Variants in ZNF775 observed in about 807,000 individuals in gnomAD.
ZNF775 encodes the protein zinc finger protein 775.
ZNF775 carries 1 observed loss-of-function variant against 2.4 expected under a neutral mutation model. The observed-to-expected ratio is 0.41, with a 90% CI of 0.15 to 1.94. The LOEUF (loss-of-function observed/expected upper bound fraction) is 1.94, where lower values mean the gene tolerates loss of function less well. Ranked by LOEUF, ZNF775 falls within the 30% of genes most tolerant of loss-of-function variation. The pLI, the probability that ZNF775 is intolerant of heterozygous loss-of-function variation, is 0.30. For synonymous variants in ZNF775, 381 were observed against 373.3 expected (o/e 1.02, Z -0.24); for missense variants, 823 against 826.6 (o/e 1.00, Z 0.05).
At chr7:150,393,049 T>C (rs1800587330) in intron 2 of ZNF775, among the ~76,000 whole-genome samples, 1 of 152,196 alleles carries the variant, frequency 6.6e-6, no homozygotes, top group African/African-American at 2.4e-5. Flanking sequence ...TTACCTGGGT[T>C]TTGACAAAGG....
chr7:150,396,671 G>T lies in ZNF775; in HGVS notation c.190G>T (p.Gly64Trp), dbSNP rs755764895. The change falls in exon 3 of 3, where the codon GGG becomes TGG. Residue 64 changes from glycine (G) to tryptophan (W), a missense_variant. Physicochemically the swap from Gly to Trp is radical, Grantham distance 184. Coordinates refer to ENST00000329630, the MANE Select transcript of ZNF775 (RefSeq NM_173680.4). The part of the protein sequence containing the change: ...RQTMGRPRAL[G>W]GQEESGSPRW... ...GACCATGGGGCGGCCTCGAGCCCTG[G>T]GGGGACAGGAGGAGTCTGGGAGTCC... 9 of 1,609,910 alleles carry T rather than the reference G, an allele frequency of 5.6e-6. No homozygotes were observed. The highest frequency in any genetic ancestry group is 7.6e-6 in the Non-Finnish European group (9 of 1,178,930).
intron 1 of ZNF775, chr7:150,379,792 C>G (rs1316402983): frequency 6.6e-6 from 1 of 152,414 alleles, no homozygotes; most frequent in Non-Finnish European, 1.5e-5. Context: ...CCTGATAGAT[C>G]AGTTTCTGGG....
chr7:150,388,115 C>T (rs1046989527), intron 1 of ZNF775, among the ~76,000 whole-genome samples: 5 of 152,260 alleles, frequency 3.3e-5, no homozygotes, highest in South Asian at 2.1e-4. Context: ...TGTGGGCTCT[C>T]GTGTGGGAGT....
chr7:150,386,826 C>G (rs1325348954), intron 1 of ZNF775, among the ~76,000 whole-genome samples: 2 of 152,208 alleles, frequency 1.3e-5, no homozygotes, highest in African/African-American at 4.8e-5. Context: ...TTCCTGCCAC[C>G]TGCATTTGTT....
At chr7:150,386,567 G>A (rs887748226) in intron 1 of ZNF775, among the ~76,000 whole-genome samples, 3 of 152,124 alleles carry the variant, frequency 2.0e-5, no homozygotes, top group Non-Finnish European at 2.9e-5. Context: ...CGGGCCCTGG[G>A]GTGGGTGTTT....
intron 2 of ZNF775, among the ~76,000 whole-genome samples, chr7:150,390,751 T>C (rs1800546694): frequency 6.6e-6 from 1 of 152,262 alleles, no homozygotes; most frequent in African/African-American, 2.4e-5. Flanking sequence ...TCAGTGAATA[T>C]TCCTGGACAT....
At position 150,384,231 on chromosome 7, in the gene ZNF775, G is replaced by A. The variant is rs1302392945; in HGVS notation, c.-49-4191G>A. 2.6e-5 allele frequency among the ~76,000 whole-genome samples: 4 copies of A among 152,238 alleles called. No homozygotes were observed. The highest frequency in any genetic ancestry group is 5.9e-5 in the Non-Finnish European group (4 of 68,038). On this transcript the variant is annotated intron_variant, in intron 1 of 2. Transcript: ENST00000329630. This position sits in a 1 kb window ranked among gnomAD's most constrained non-coding sequence, Gnocchi z 4.1. The stretch of plus-strand genomic sequence containing the variant: ...CGAGGGGCAGCAGAGAGGAAAGGTG[G>A]TCCGGTAGGGGCCCGGGGGCCCTTG...
rs1230795612 is a variant in ZNF775, at chr7:150,379,388, C to G, written c.-54C>G. 1 of 152,214 alleles carries G rather than the reference C, an allele frequency of 6.6e-6. No homozygotes were observed. Among genetic ancestry groups the G allele is most frequent in the Non-Finnish European group, 1.5e-5 (1 of 68,028 alleles). 9.4% of individuals were successfully genotyped at this position (152,214 alleles called of 1,614,324 possible). ...TTCCCGTTAACCTTAGCCACAAAGT[C>G]AAAGGTATTTATTTCCCCGTCGCCT... On this transcript the variant is annotated 5_prime_UTR_variant, in exon 1 of 3. Transcript: ENST00000329630.
chr7:150,393,482 TA>T (rs1312955960), intron 2 of ZNF775, among the ~76,000 whole-genome samples: 4 of 152,168 alleles, frequency 2.6e-5, no homozygotes, highest in Non-Finnish European at 4.4e-5. Flanking sequence ...GGTAAATACC[TA>T]GGAGAGCGAC....
chr7:150,379,853 CAATA>C (rs1343726890), intron 1 of ZNF775: 2 of 152,216 alleles, frequency 1.3e-5, no homozygotes, highest in African/African-American at 4.8e-5. Flanking sequence ...AGTAGGTGAC[CAATA>C]AATGTGTGAT....
chr7:150,396,777 C>A lies in ZNF775; in HGVS notation c.296C>A (p.Ser99Ter). 6.3e-7 allele frequency: 1 copy of A among 1,592,696 alleles called. No homozygotes were observed. The highest frequency in any genetic ancestry group is 8.5e-7 in the Non-Finnish European group (1 of 1,170,724). ...PGSASGPLSP[S>*]LSSGEGHFVC... ...TCAGCCTCCGGCCCCCTGAGCCCCT[C>A]GCTTTCCTCCGGCGAGGGTCACTTT... is the stretch of plus-strand genomic sequence containing the variant. Residue 99 changes from serine (S) to a stop codon, truncating the protein, a stop_gained, in exon 3 of 3, where the codon TCG becomes TAG. Coordinates refer to ENST00000329630, the MANE Select transcript of ZNF775 (RefSeq NM_173680.4). LOFTEE classifies it low-confidence loss of function (END_TRUNC).
chr7:150,396,939 A>C lies in ZNF775; in HGVS notation c.458A>C (p.His153Pro). 3.1e-6 allele frequency: 5 copies of C among 1,601,204 alleles called. No individual in the cohort carries two copies. The highest frequency in any genetic ancestry group is 3.4e-6 in the Non-Finnish European group (4 of 1,179,588). The change falls in exon 3 of 3, where the codon CAC (histidine) becomes CCC (proline). Residue 153 changes from histidine to proline, a missense_variant. Transcript: ENST00000329630. Reference sequence around the variant, plus strand: ...AGCCAGAAGCCGAACCTGGCGCGCCACCAGCGGCACCACACGGGCGAGCGA... The same window carrying C: ...AGCCAGAAGCCGAACCTGGCGCGCCCCCAGCGGCACCACACGGGCGAGCGA... ...SFSQKPNLAR[H>P]QRHHTGERPF...
At chr7:150,392,105 G>A (rs1046633989) in intron 2 of ZNF775, among the ~76,000 whole-genome samples, 1 of 152,122 alleles carries the variant, frequency 6.6e-6, no homozygotes, top group Non-Finnish European at 1.5e-5. Flanking sequence ...TCCTGTTTAA[G>A]AAGGCTTTTA....
chr7:150,392,759 C>T (rs1638712933), intron 2 of ZNF775, among the ~76,000 whole-genome samples: 1 of 152,304 alleles, frequency 6.6e-6, no homozygotes, highest in South Asian at 2.1e-4. Context: ...GTCTTCAACT[C>T]CTGCACTTAA....
In ZNF775 at chr7:150,397,049, AC is replaced by A; in HGVS notation, c.571del (p.His191ThrfsTer37). ...KHQKTHSRPA[T>X]HSCPECERCF... ...CCAGAAGACCCACTCCCGGCCCGCCACCCACTCGTGCCCCGAGTGCGAGCGC... is the reference window on the plus strand; with the variant it reads ...CCAGAAGACCCACTCCCGGCCCGCCACCACTCGTGCCCCGAGTGCGAGCGC... On this transcript the variant is annotated frameshift_variant, in exon 3 of 3. Transcript: ENST00000329630. LOFTEE classifies it low-confidence loss of function (END_TRUNC). 2 of 1,594,180 alleles carry A rather than the reference AC, an allele frequency of 1.3e-6. No individual in the cohort carries two copies. The highest frequency in any genetic ancestry group is 1.7e-6 in the Non-Finnish European group (2 of 1,177,066).
intron 1 of ZNF775, among the ~76,000 whole-genome samples, chr7:150,387,521 C>A (rs1016423155): frequency 3.6e-4 from 54 of 151,286 alleles, no homozygotes; most frequent in Middle Eastern, 3.4e-3. Context: ...GGCATAAAAA[C>A]AAAAAAAGAA....
Position 150,396,497 on chromosome 7 carries a change from C to CGCTT in ZNF775, c.32-13_32-10dup, listed in dbSNP as rs1434324195. ...AGTGACCTCTCTCCCTCCTCTCTCC[C>CGCTT]GCTTGCCTCTGGCAGGAGCTGGGCT... On this transcript the variant is annotated splice_polypyrimidine_tract_variant and intron_variant, in intron 2 of 2. Transcript: ENST00000329630. 1 of 1,570,506 alleles carries CGCTT rather than the reference C, an allele frequency of 6.4e-7. No individual in the cohort carries two copies. Among genetic ancestry groups the CGCTT allele is most frequent in the Admixed American group, 2.0e-5 (1 of 50,252 alleles).
intron 1 of ZNF775, among the ~76,000 whole-genome samples, chr7:150,381,213 A>G (rs1432382092): frequency 6.6e-6 from 1 of 151,992 alleles, no homozygotes; most frequent in Non-Finnish European, 1.5e-5. Context: ...TGTGGGTGGG[A>G]CAGTTCCAGC....
At position 150,384,426 on chromosome 7, in the gene ZNF775, G is replaced by A. The variant is rs1800417359; in HGVS notation, c.-49-3996G>A. Among the ~76,000 whole-genome samples the A allele has an allele frequency of 6.6e-6, 1 of 152,216 alleles. No individual in the cohort carries two copies. Among genetic ancestry groups the A allele is most frequent in the Non-Finnish European group, 1.5e-5 (1 of 68,038 alleles). On this transcript the variant is annotated intron_variant, in intron 1 of 2. Coordinates refer to ENST00000329630, the MANE Select transcript of ZNF775 (RefSeq NM_173680.4). The surrounding 1 kb of genome is among the most constrained non-coding windows in gnomAD (Gnocchi z 4.1). ...GACATGTCAGGATGGTAGGTTAGGAGGGGCCCGCCATGCACAGAGCAGAGT... is the reference window on the plus strand; with the variant it reads ...GACATGTCAGGATGGTAGGTTAGGAAGGGCCCGCCATGCACAGAGCAGAGT...
Sources: allele counts gnomAD v4.1 joint callset (sites outside exome capture counted in the v4.1 genomes callset), GRCh38; gene constraint gnomAD v4.1.1; non-coding constraint Gnocchi (gnomAD v3.1); transcripts MANE v1.5; gene names NCBI Gene and HGNC (gene_info 2026-07-23, HGNC 2026-07-21).